Variants in JAK1 observed in about 807,000 individuals in gnomAD.
The protein encoded by JAK1 is tyrosine-protein kinase JAK1.
In JAK1, 16 loss-of-function variants were observed where a neutral mutation model predicts 136.6. The ratio of observed to expected loss-of-function variants is 0.12; its 90% CI spans 0.08 to 0.18. The LOEUF (loss-of-function observed/expected upper bound fraction) is 0.18, where lower values mean the gene tolerates loss of function less well. Ranked by LOEUF, JAK1 falls within the 10% of genes least tolerant of loss-of-function variation. The pLI is 1.00. For synonymous variants in JAK1, 492 were observed against 519.5 expected, an observed-to-expected ratio of 0.95 and a Z score of 0.72; for missense variants, 859 against 1,450.1, an observed-to-expected ratio of 0.59 and a Z score of 6.62.
At chr1:64,908,916 C>CA (rs528311270) in intron 1 of JAK1, among the ~76,000 whole-genome samples, 118 of 152,260 alleles carry the variant, frequency 7.7e-4, no homozygotes, top group Admixed American at 7.1e-3. Flanking sequence ...GCTCTATCAT[C>CA]AAAAAGCCCA....
intron 23 of JAK1, among the ~76,000 whole-genome samples, chr1:64,835,786 G>GT (rs1654444651): frequency 6.6e-6 from 1 of 152,122 alleles, no homozygotes. Flanking sequence ...AGGAGGCACA[G>GT]ACAAGGCTGG....
At chr1:65,050,362 G>A (rs1647251244) in intron 1 of JAK1, among the ~76,000 whole-genome samples, 2 of 152,214 alleles carry the variant, frequency 1.3e-5, no homozygotes, top group South Asian at 4.1e-4. Context: ...TAGGCAGGAT[G>A]TCAGGAAAAG....
At chr1:64,940,442 G>A (rs1219988443) in intron 1 of JAK1, among the ~76,000 whole-genome samples, 5 of 150,792 alleles carry the variant, frequency 3.3e-5, no homozygotes, top group South Asian at 2.1e-4. Context: ...TCAGCCTCCC[G>A]ATTAGCTGGG....
intron 8 of JAK1, among the ~76,000 whole-genome samples, chr1:64,860,693 ATC>A (rs1656246154): frequency 6.6e-6 from 1 of 151,898 alleles, no homozygotes; most frequent in Admixed American, 6.6e-5. Context: ...ACCTCGAGTG[ATC>A]TCCCACCTTG....
At chr1:64,973,137 GAGAAAGAA>G (rs370683683) in intron 2 of JAK1, 4 of 114,402 alleles carry the variant, frequency 3.5e-5, no homozygotes, top group African/African-American at 1.3e-4. Flanking sequence ...GAAAGAAAAA[GAGAAAGAA>G]AGAAAGAAAG....
intron 2 of JAK1, among the ~76,000 whole-genome samples, chr1:64,885,279 T>C (rs1294436810): frequency 6.6e-6 from 1 of 152,174 alleles, no homozygotes; most frequent in African/African-American, 2.4e-5. Flanking sequence ...TGAAAAACTG[T>C]GATGGAAAAC....
intron 2 of JAK1, among the ~76,000 whole-genome samples, chr1:65,039,636 G>C (rs982486001): frequency 6.6e-6 from 1 of 152,040 alleles, no homozygotes; most frequent in Non-Finnish European, 1.5e-5. Flanking sequence ...ACACTATTTG[G>C]GGACACTAAA....
intron 2 of JAK1, chr1:64,993,464 T>C (rs1490324355): frequency 1.3e-5 from 2 of 152,184 alleles, no homozygotes; most frequent in East Asian, 3.8e-4. Flanking sequence ...AGTTAGCCTG[T>C]TAGTTACCTA....
intron 2 of JAK1, among the ~76,000 whole-genome samples, chr1:64,885,891 T>C (rs987876646): frequency 6.6e-6 from 1 of 152,166 alleles, no homozygotes; most frequent in Non-Finnish European, 1.5e-5. Flanking sequence ...CACAGAAAGA[T>C]GCACAGGACA....
chr1:64,940,300 G>C (rs1461117094), intron 1 of JAK1, among the ~76,000 whole-genome samples: 1 of 150,070 alleles, frequency 6.7e-6, no homozygotes, highest in Non-Finnish European at 1.5e-5. Flanking sequence ...AGAAGACCTA[G>C]CTTATACCAA....
At chr1:65,034,255 G>A (rs1175904820) in intron 2 of JAK1, among the ~76,000 whole-genome samples, 2 of 152,206 alleles carry the variant, frequency 1.3e-5, no homozygotes, top group African/African-American at 4.8e-5. Flanking sequence ...AATAGGGTGA[G>A]ATCAGGATGG....
At chr1:65,018,481 AGAGAGAAC>A (rs1256124744) in intron 2 of JAK1, among the ~76,000 whole-genome samples, 11 of 138,278 alleles carry the variant, frequency 8.0e-5, no homozygotes, top group African/African-American at 3.3e-4. Flanking sequence ...AGAGAGAGAG[AGAGAGAAC>A]ACACACACAC....
At chr1:64,901,476 G>A (rs746096939) in intron 1 of JAK1, among the ~76,000 whole-genome samples, 31 of 152,072 alleles carry the variant, frequency 2.0e-4, no homozygotes, top group Admixed American at 3.9e-4. Context: ...AGTTGCGTAG[G>A]CCTGGAAAGA....
upstream of JAK1, among the ~76,000 whole-genome samples, chr1:64,971,195 T>G (rs1646448845): frequency 6.6e-6 from 1 of 152,222 alleles, no homozygotes; most frequent in Non-Finnish European, 1.5e-5. Context: ...GTCACCATAT[T>G]ATATGTTTTC....
intron 9 of JAK1, 36 bp downstream of exon 9, chr1:64,860,069 C>A (rs1251855599): frequency 6.9e-7 from 1 of 1,443,078 alleles, no homozygotes; most frequent in East Asian, 2.5e-5. Flanking sequence ...GGGCTCTCTG[C>A]ACACCAAAGG....
chr1:64,885,397 C>A (rs1423983274), intron 2 of JAK1, among the ~76,000 whole-genome samples: 1 of 152,176 alleles, frequency 6.6e-6, no homozygotes, highest in Non-Finnish European at 1.5e-5. Context: ...CCCTCTAACT[C>A]TAAGGAAATA....
intron 1 of JAK1, among the ~76,000 whole-genome samples, chr1:64,945,036 C>A (rs1645959031): frequency 6.6e-6 from 1 of 151,824 alleles, no homozygotes; most frequent in Admixed American, 6.6e-5. Flanking sequence ...GGAACAGGAG[C>A]ACATCGGGAT....
At chr1:65,050,132 A>C (rs113343303) in intron 1 of JAK1, among the ~76,000 whole-genome samples, 33 of 152,314 alleles carry the variant, frequency 2.2e-4, no homozygotes, top group African/African-American at 7.5e-4. Context: ...AGCAAACAGG[A>C]AACATTCCAC....
chr1:64,965,325 G>A (rs1646352629), intron 1 of JAK1, among the ~76,000 whole-genome samples: 1 of 152,142 alleles, frequency 6.6e-6, no homozygotes, highest in African/African-American at 2.4e-5. Context: ...GGGGCAGAAG[G>A]CAGCTCACAG....
Sources: allele counts gnomAD v4.1 joint callset (sites outside exome capture counted in the v4.1 genomes callset), GRCh38; gene constraint gnomAD v4.1.1; transcripts MANE v1.5; gene names NCBI Gene and HGNC (gene_info 2026-07-23, HGNC 2026-07-21).